Variants in PRSS38 observed in about 807,000 individuals in gnomAD.
PRSS38 encodes the protein marapsin 2.
PRSS38 carries 22 observed loss-of-function variants against 26.8 expected under a neutral mutation model. The observed-to-expected ratio is 0.82, with a 90% CI of 0.59 to 1.17. The LOEUF is 1.17. Among genes scored for constraint, PRSS38 ranks in the 50% most tolerant of loss-of-function variants. The probability of loss-of-function intolerance (pLI) is 0.00; values close to 1 mark genes in which losing one functional copy is unlikely to be tolerated. For synonymous variants in PRSS38, 175 were observed against 172.1 expected, an observed-to-expected ratio of 1.02 and a Z score of -0.13; for missense variants, 427 against 422.7, an observed-to-expected ratio of 1.01 and a Z score of -0.09.
exon 1 of PRSS38, chr1:227,815,849 C>A (rs1193970065): frequency 1.2e-6 from 2 of 1,609,012 alleles, no homozygotes; most frequent in South Asian, 1.1e-5. Flanking sequence ...GGGAATCTCC[C>A]TAACTGGCAG....
chr1:227,828,444 G>A (rs1337960935), intron 3 of PRSS38, among the ~76,000 whole-genome samples: 1 of 152,122 alleles, frequency 6.6e-6, no homozygotes, highest in Non-Finnish European at 1.5e-5. Context: ...TTGGGTCCAG[G>A]GAGCCAAGCA....
At chr1:227,821,485 T>C (rs1018843631) in intron 3 of PRSS38, among the ~76,000 whole-genome samples, 14 of 152,222 alleles carry the variant, frequency 9.2e-5, no homozygotes, top group Non-Finnish European at 1.5e-4. Context: ...TTCTTTTCAA[T>C]GTGAAGCACT....
intron 3 of PRSS38, among the ~76,000 whole-genome samples, chr1:227,819,886 T>C (rs1664976272): frequency 6.6e-6 from 1 of 151,984 alleles, no homozygotes; most frequent in Non-Finnish European, 1.5e-5. Context: ...GTCAAGAGAT[T>C]GAGACTATCC....
chr1:227,834,024 G>A (rs546523123), intron 3 of PRSS38, among the ~76,000 whole-genome samples: 1 of 152,292 alleles, frequency 6.6e-6, no homozygotes, highest in South Asian at 2.1e-4. Context: ...CATATAGGAA[G>A]GGGAGAAGGG....
chr1:227,836,103 CTTT>C (rs75326252), intron 3 of PRSS38, among the ~76,000 whole-genome samples: 1 of 146,538 alleles, frequency 6.8e-6, no homozygotes, highest in African/African-American at 2.5e-5. Context: ...TTGTTTTTTA[CTTT>C]TTTTTTTTTC....
chr1:227,815,800 C>T (rs990062179), exon 1 of PRSS38: 2 of 1,612,564 alleles, frequency 1.2e-6, no homozygotes, highest in African/African-American at 2.7e-5. Flanking sequence ...TGGCCCCTCC[C>T]CGGGTCGCAG....
chr1:227,821,063 T>G (rs907238845), intron 3 of PRSS38, among the ~76,000 whole-genome samples: 1 of 152,164 alleles, frequency 6.6e-6, no homozygotes, highest in African/African-American at 2.4e-5. Flanking sequence ...CTGTTGCAGA[T>G]AAAAAGTGGA....
chr1:227,832,350 A>G (rs1385784292), intron 3 of PRSS38, among the ~76,000 whole-genome samples: 3 of 152,164 alleles, frequency 2.0e-5, no homozygotes, highest in African/African-American at 7.2e-5. Flanking sequence ...AATGTTTTCT[A>G]TATACCTATA....
At chr1:227,826,534 G>T (rs1469922871) in intron 3 of PRSS38, among the ~76,000 whole-genome samples, 1 of 152,170 alleles carries the variant, frequency 6.6e-6, no homozygotes, top group Non-Finnish European at 1.5e-5. Context: ...GCCCAACACG[G>T]TGAAACCCCA....
intron 3 of PRSS38, among the ~76,000 whole-genome samples, chr1:227,823,345 T>C (rs1276101446): frequency 2.6e-5 from 4 of 151,554 alleles, no homozygotes; most frequent in Non-Finnish European, 5.9e-5. Context: ...AAATAATATA[T>C]ATACACAAAC....
chr1:227,839,915 G>A (rs1572090295), intron 3 of PRSS38, among the ~76,000 whole-genome samples: 1 of 152,296 alleles, frequency 6.6e-6, no homozygotes, highest in Non-Finnish European at 1.5e-5. Flanking sequence ...TCTGAGCCAT[G>A]TCTTGCTTGA....
intron 3 of PRSS38, among the ~76,000 whole-genome samples, chr1:227,831,918 T>G (rs952870494): frequency 3.3e-5 from 5 of 152,234 alleles, no homozygotes; most frequent in African/African-American, 1.2e-4. Flanking sequence ...TCTCTATGAC[T>G]GCTGAATTGT....
Position 227,816,099 on chromosome 1 carries a change from G to T in PRSS38, c.158G>T (p.Arg53Leu). 4 of 1,612,258 alleles carry T rather than the reference G, an allele frequency of 2.5e-6. No homozygotes were observed. The highest frequency in any genetic ancestry group is 1.1e-5 in the South Asian group (1 of 90,932). ...TCCGTTCTCCCTGCAGCCTGTGGTC[G>T]GCCCAGCATGGAGGGGAAAATCCTG... The change falls in exon 2 of 5, where the codon CGG becomes CTG. Residue 53 changes from arginine (R) to leucine (L), a missense_variant. Physicochemically the swap from Arg to Leu is moderately radical, Grantham distance 102. Coordinates refer to ENST00000366757, the Ensembl canonical transcript of PRSS38. This position sits in a 1 kb window ranked among gnomAD's most constrained non-coding sequence, Gnocchi z 5.1.
Position 227,815,821 on chromosome 1 carries a change from C to T in PRSS38, c.105C>T (p.His35=), listed in dbSNP as rs765893570. 4.3e-6 allele frequency: 7 copies of T among 1,611,954 alleles called. No homozygotes were observed. The Admixed American group carries it at 1.2e-4, about 27-fold the overall frequency. The change falls in exon 1 of 5, where the codon CAC becomes CAT. Residue 35 remains histidine, a synonymous_variant. Transcript: ENST00000366757. ...CTCCCCGGGTCGCAGCATTGGTCCA[C>T]AGACAGCCAGAGAACCAGGGAATCT... is the stretch of plus-strand genomic sequence containing the variant.
chr1:227,824,314 C>T (rs1016857086), intron 3 of PRSS38, among the ~76,000 whole-genome samples: 1 of 152,148 alleles, frequency 6.6e-6, no homozygotes, highest in African/African-American at 2.4e-5. Flanking sequence ...TGAGTGAGAA[C>T]ATGTGATGTT....
At chr1:227,821,356 T>C (rs1665001390) in intron 3 of PRSS38, among the ~76,000 whole-genome samples, 2 of 152,224 alleles carry the variant, frequency 1.3e-5, no homozygotes, top group African/African-American at 4.8e-5. Context: ...TGCATGCATG[T>C]ATCTTTATAA....
At position 227,818,675 on chromosome 1, in the gene PRSS38, CAAAAAAA is replaced by C. The variant is rs71180764; in HGVS notation, c.583+1213_583+1219del. Among the ~76,000 whole-genome samples, 15 of 61,062 alleles carry C rather than the reference CAAAAAAA, an allele frequency of 2.5e-4. No individual in the cohort carries two copies. In the South Asian group the frequency reaches 4.3e-3, roughly 18 times the overall value. 40.1% of individuals were successfully genotyped at this position (61,062 alleles called of 152,430 possible). A position where few individuals can be genotyped will look rare whatever the true frequency, so the allele number is the denominator to read the frequency against. ...CCTGGGCAACAGTGAGACCTTCTCT[CAAAAAAA>C]AAAAAAAAAAAAAAAAACGTATTTA... On this transcript the variant is annotated intron_variant, in intron 3 of 4. Coordinates refer to ENST00000366757, the Ensembl canonical transcript of PRSS38.
intron 3 of PRSS38, among the ~76,000 whole-genome samples, chr1:227,837,082 T>C (rs1462469260): frequency 6.6e-6 from 1 of 152,178 alleles, no homozygotes; most frequent in Non-Finnish European, 1.5e-5. Context: ...CCTCTAACTC[T>C]TGGGCTCAAA....
chr1:227,840,270 T>A (rs972109411), intron 3 of PRSS38, among the ~76,000 whole-genome samples: 21 of 152,258 alleles, frequency 1.4e-4, no homozygotes, highest in African/African-American at 4.6e-4. Context: ...TATAGGCGTG[T>A]GCCACCACAC....
Sources: gnomAD v4.1 joint callset for allele counts (sites outside exome capture counted in the v4.1 genomes callset) on GRCh38, gnomAD v4.1.1 for gene constraint, Gnocchi (gnomAD v3.1) non-coding constraint, MANE v1.5 for transcripts, NCBI Gene and HGNC (gene_info 2026-07-23, HGNC 2026-07-21) for gene names.